PLCL1: variants seen among roughly 807,000 people sequenced by gnomAD.
PLCL1 encodes the protein inactive phospholipase C-like protein 1.
In PLCL1, 41 loss-of-function variants were observed where a neutral mutation model predicts 84.4. That is an observed-to-expected ratio of 0.49 (90% CI 0.38 to 0.63). PLCL1 has a LOEUF of 0.63. PLCL1 is among the 30% of genes least tolerant of loss of function. The pLI is 0.00. For missense variants in PLCL1, 1,206 were observed against 1,367.8 expected (o/e 0.88, Z 1.87); for synonymous variants, 490 against 488.3 (o/e 1.00, Z -0.05).
rs1309595743 is a variant in PLCL1, at chr2:197,878,265, T to C, written c.240+72926T>C. 2.0e-5 allele frequency among the ~76,000 whole-genome samples: 3 copies of C among 152,282 alleles called. No individual in the cohort carries two copies. In the East Asian group the frequency reaches 5.8e-4, roughly 29 times the overall value. On this transcript the variant is annotated intron_variant, in intron 1 of 5. Coordinates refer to ENST00000428675, the MANE Select transcript of PLCL1 (RefSeq NM_006226.4). ...GCTTAGATCAGAAGTTTGGACATTC[T>C]GTTTATTTTTCTTTAGTTATCACAC... is the stretch of plus-strand genomic sequence containing the variant.
At chr2:198,081,439 A>G (rs1013299544) in intron 1 of PLCL1, among the ~76,000 whole-genome samples, 1 of 152,212 alleles carries the variant, frequency 6.6e-6, no homozygotes, top group African/African-American at 2.4e-5. Context: ...ACACACAAAC[A>G]TCTGATATTT....
chr2:198,039,655 C>T (rs1691615231), intron 1 of PLCL1, among the ~76,000 whole-genome samples: 1 of 151,892 alleles, frequency 6.6e-6, no homozygotes, highest in Non-Finnish European at 1.5e-5. Context: ...TTTTTGTTTC[C>T]TTAGATCAAT....
chr2:197,854,797 A>G (rs1687300054), intron 1 of PLCL1, among the ~76,000 whole-genome samples: 1 of 152,208 alleles, frequency 6.6e-6, no homozygotes, highest in East Asian at 1.9e-4. Context: ...GCCTGAATTA[A>G]TTATGGAGGG....
intron 5 of PLCL1, among the ~76,000 whole-genome samples, chr2:198,143,795 A>C (rs1694448086): frequency 6.6e-6 from 1 of 152,174 alleles, no homozygotes; most frequent in Non-Finnish European, 1.5e-5. Flanking sequence ...TTCCTCCTTC[A>C]TAAAAAAAGA....
intron 1 of PLCL1, among the ~76,000 whole-genome samples, chr2:197,881,933 T>G (rs1244701773): frequency 3.9e-5 from 6 of 152,104 alleles, no homozygotes; most frequent in Non-Finnish European, 5.9e-5. Flanking sequence ...ATTTAATCTG[T>G]AAATATTTTG....
At chr2:198,092,630 T>C (rs550189853) in intron 3 of PLCL1, among the ~76,000 whole-genome samples, 1 of 152,330 alleles carries the variant, frequency 6.6e-6, no homozygotes, top group East Asian at 1.9e-4. Context: ...TTATTCCTCC[T>C]TATCTCTTAA....
At chr2:197,901,035 A>G (rs1214320033) in intron 1 of PLCL1, among the ~76,000 whole-genome samples, 4 of 152,234 alleles carry the variant, frequency 2.6e-5, no homozygotes, top group Non-Finnish European at 5.9e-5. Context: ...GATTAGGTAC[A>G]TACACATTGA....
chr2:197,927,955 A>T (rs1688863979), intron 1 of PLCL1, among the ~76,000 whole-genome samples: 1 of 152,198 alleles, frequency 6.6e-6, no homozygotes, highest in Admixed American at 6.5e-5. Flanking sequence ...ACAAAGAAGG[A>T]TCCATTTTGT....
In PLCL1 at chr2:197,884,082, A is replaced by G. The variant is rs574306771; in HGVS notation, c.240+78743A>G. On this transcript the variant is annotated intron_variant, in intron 1 of 5. Coordinates refer to ENST00000428675, the MANE Select transcript of PLCL1 (RefSeq NM_006226.4). ...GGGTTCTACCTAACTGGGATATTTA[A>G]TAGATATATCAATCTATCTTTGTGT... Among the ~76,000 whole-genome samples the G allele has an allele frequency of 7.4e-4, 113 of 152,324 alleles. 1 individual carries two copies. Among genetic ancestry groups the G allele is most frequent in the African/African-American group, 2.6e-3 (110 of 41,584 alleles).
At position 197,861,233 on chromosome 2, in the gene PLCL1, G is replaced by A. The variant is rs1041096821; in HGVS notation, c.240+55894G>A. 1.9e-4 allele frequency among the ~76,000 whole-genome samples: 29 copies of A among 152,168 alleles called. 1 individual carries two copies. Among genetic ancestry groups the A allele is most frequent in the Admixed American group, 1.9e-3 (29 of 15,266 alleles). On this transcript the variant is annotated intron_variant, in intron 1 of 5. Transcript: ENST00000428675. ...GAAGGAGAGAGGGGATAAAGTTTAAGTTGATCACCAATAGACAATATTTTA... is the reference window on the plus strand; with the variant it reads ...GAAGGAGAGAGGGGATAAAGTTTAAATTGATCACCAATAGACAATATTTTA...
chr2:197,842,419 A>T (rs1687023713), intron 1 of PLCL1, among the ~76,000 whole-genome samples: 1 of 151,364 alleles, frequency 6.6e-6, no homozygotes, highest in African/African-American at 2.4e-5. Context: ...ACTCTCTCAC[A>T]CTCTTTAGTT....
intron 1 of PLCL1, among the ~76,000 whole-genome samples, chr2:197,825,760 G>C (rs2106421501): frequency 6.6e-6 from 1 of 152,288 alleles, no homozygotes; most frequent in East Asian, 1.9e-4. Flanking sequence ...TCTCATTTTT[G>C]CTACTTTCTA....
chr2:197,910,980 G>T (rs1282881436), intron 1 of PLCL1, among the ~76,000 whole-genome samples: 1 of 152,114 alleles, frequency 6.6e-6, no homozygotes, highest in East Asian at 1.9e-4. Context: ...AGTAAACTAA[G>T]CCTGAACACA....
intron 1 of PLCL1, among the ~76,000 whole-genome samples, chr2:197,865,231 T>C (rs557848189): frequency 6.6e-6 from 1 of 152,194 alleles, no homozygotes; most frequent in African/African-American, 2.4e-5. Flanking sequence ...TTTAGTGAAA[T>C]ATGGGGAAAC....
intron 1 of PLCL1, among the ~76,000 whole-genome samples, chr2:197,948,615 G>A (rs1689328825): frequency 6.6e-6 from 1 of 152,096 alleles, no homozygotes; most frequent in South Asian, 2.1e-4. Flanking sequence ...AAACCTGTGA[G>A]CATAGTGGAA....
intron 1 of PLCL1, among the ~76,000 whole-genome samples, chr2:197,903,212 G>T (rs1688301411): frequency 6.6e-6 from 1 of 152,094 alleles, no homozygotes; most frequent in Admixed American, 6.5e-5. Flanking sequence ...CAGAACATAT[G>T]ATCTCTATTG....
At chr2:198,049,836 A>G (rs1017002691) in intron 1 of PLCL1, among the ~76,000 whole-genome samples, 3 of 152,212 alleles carry the variant, frequency 2.0e-5, no homozygotes, top group Admixed American at 2.0e-4. Flanking sequence ...CAGTGCCAGT[A>G]ATGATGGATT....
chr2:198,062,336 C>T (rs1181158504), intron 1 of PLCL1, among the ~76,000 whole-genome samples: 2 of 151,988 alleles, frequency 1.3e-5, no homozygotes, highest in Admixed American at 6.5e-5. Flanking sequence ...AGGAAGAAAT[C>T]CTTTATTATG....
intron 1 of PLCL1, among the ~76,000 whole-genome samples, chr2:197,905,385 T>C (rs769520565): frequency 6.6e-6 from 1 of 152,216 alleles, no homozygotes; most frequent in Non-Finnish European, 1.5e-5. Flanking sequence ...CTGAAAATGA[T>C]GGTTTCCAGC....
Sources: allele counts gnomAD v4.1 joint callset (sites outside exome capture counted in the v4.1 genomes callset), GRCh38; gene constraint gnomAD v4.1.1; transcripts MANE v1.5; gene names NCBI Gene and HGNC (gene_info 2026-07-23, HGNC 2026-07-21).